Variants in HIVEP1 observed in about 807,000 individuals in gnomAD.
HIVEP1 encodes the protein zinc finger protein 40.
Under a neutral mutation model 180.0 loss-of-function variants are expected in HIVEP1, and 36 were observed. The ratio of observed to expected loss-of-function variants is 0.20; its 90% CI spans 0.15 to 0.26. The LOEUF (loss-of-function observed/expected upper bound fraction) is 0.26, where lower values mean the gene tolerates loss of function less well. HIVEP1 is among the 10% of genes least tolerant of loss of function. The probability of loss-of-function intolerance (pLI) is 1.00; values close to 1 mark genes in which losing one functional copy is unlikely to be tolerated. For synonymous variants in HIVEP1, 1,239 were observed against 1,239.0 expected (o/e 1.00, Z 0.00); for missense variants, 3,143 against 3,268.7 (o/e 0.96, Z 0.94).
At chr6:12,021,422 G>C (rs1045252766) in intron 2 of HIVEP1, among the ~76,000 whole-genome samples, 1 of 152,130 alleles carries the variant, frequency 6.6e-6, no homozygotes, top group Non-Finnish European at 1.5e-5. Flanking sequence ...CTGTATGGGA[G>C]ATGTCTCTGC....
At chr6:12,052,184 G>C (rs941044199) in intron 2 of HIVEP1, among the ~76,000 whole-genome samples, 1 of 152,172 alleles carries the variant, frequency 6.6e-6, no homozygotes, top group African/African-American at 2.4e-5. Flanking sequence ...CACGGCATAT[G>C]TATACAGGCA....
At chr6:12,154,836 G>C (rs1056989958) in intron 7 of HIVEP1, among the ~76,000 whole-genome samples, 1 of 152,018 alleles carries the variant, frequency 6.6e-6, no homozygotes, top group Non-Finnish European at 1.5e-5. Context: ...TTTAAAAATT[G>C]TGTGTTTATC....
intron 7 of HIVEP1, among the ~76,000 whole-genome samples, chr6:12,142,343 C>T (rs1042702907): frequency 6.6e-6 from 1 of 151,980 alleles, no homozygotes; most frequent in Admixed American, 6.6e-5. Context: ...CAGTGAGAAC[C>T]AAGACACAAC....
the HIVEP1 span, among the ~76,000 whole-genome samples, chr6:12,177,743 A>AATTC: frequency 6.6e-6 from 1 of 152,178 alleles, no homozygotes; most frequent in South Asian, 2.1e-4. Context: ...AATAAGCTAG[A>AATTC]TAAGTGATAG....
At chr6:12,104,454 G>C (rs1774314396) in intron 3 of HIVEP1, among the ~76,000 whole-genome samples, 1 of 54,530 alleles carries the variant, frequency 1.8e-5, no homozygotes, top group Non-Finnish European at 3.9e-5. Context: ...TTTTTTCTGA[G>C]ACAGGGTCTT....
chr6:12,112,919 CG>C (rs944769395), intron 3 of HIVEP1, among the ~76,000 whole-genome samples: 2 of 152,076 alleles, frequency 1.3e-5, no homozygotes, highest in Admixed American at 6.6e-5. Context: ...GTTCTTCTCC[CG>C]GCTGCAGGGT....
chr6:12,206,416 T>C, the HIVEP1 span, among the ~76,000 whole-genome samples: 2,683 of 152,210 alleles, frequency 0.018, 95 homozygotes, highest in African/African-American at 0.061. Context: ...ATTACAGGCG[T>C]GAGCTACAAC....
chr6:12,162,646 T>C (rs1760480390), intron 8 of HIVEP1, among the ~76,000 whole-genome samples: 1 of 152,222 alleles, frequency 6.6e-6, no homozygotes, highest in Non-Finnish European at 1.5e-5. Context: ...ATGTATTGAA[T>C]ATTGCAATAG....
the HIVEP1 span, among the ~76,000 whole-genome samples, chr6:12,183,653 C>T: frequency 6.6e-6 from 1 of 152,088 alleles, no homozygotes; most frequent in East Asian, 1.9e-4. Context: ...AAGATAAGAT[C>T]ATTTAATTAT....
Position 12,164,094 on chromosome 6 carries a change from C to T in HIVEP1, c.7790C>T (p.Thr2597Ile). 1 of 1,614,190 alleles carries T rather than the reference C, an allele frequency of 6.2e-7. No homozygotes were observed. The highest frequency in any genetic ancestry group is 8.5e-7 in the Non-Finnish European group (1 of 1,180,044). The change falls in exon 9 of 9, where the codon ACC becomes ATC. Residue 2597 changes from threonine (T) to isoleucine (I), a missense_variant. Coordinates refer to ENST00000379388, the MANE Select transcript of HIVEP1 (RefSeq NM_002114.4). ...SVASANQVSR[T>I]ESPQGLPTVQ... ...GCCAGCGCAAACCAGGTCAGCAGGA[C>T]CGAGTCTCCTCAGGGGTTACCTACA...
rs536783767 is a variant in HIVEP1 at position 12,160,562 on chromosome 6, AC to A, written c.6488-876del. On this transcript the variant is annotated intron_variant, in intron 7 of 8. Transcript: ENST00000379388. ...ACAGCTGCCCAGATGACTCACCCAA[AC>A]TGCTTGCTTGGCCTTTGTTACAGGC... Among the ~76,000 whole-genome samples the A allele has an allele frequency of 5.8e-4, 88 of 152,236 alleles. No individual in the cohort carries two copies. In the South Asian group the frequency reaches 0.018, roughly 31 times the overall value.
At chr6:12,029,320 C>T (rs141016494) in intron 2 of HIVEP1, among the ~76,000 whole-genome samples, 1 of 152,286 alleles carries the variant, frequency 6.6e-6, no homozygotes, top group East Asian at 1.9e-4. Context: ...TTCTTTGAAC[C>T]TCTGCCACTG....
intron 7 of HIVEP1, among the ~76,000 whole-genome samples, chr6:12,148,180 G>A (rs1344042840): frequency 1.3e-5 from 2 of 152,208 alleles, no homozygotes; most frequent in Admixed American, 6.5e-5. Flanking sequence ...AATGTTTCTG[G>A]TGCTACAGTT....
chr6:12,059,679 T>A (rs1386871686), intron 2 of HIVEP1, among the ~76,000 whole-genome samples: 1 of 152,124 alleles, frequency 6.6e-6, no homozygotes, highest in Admixed American at 6.5e-5. Flanking sequence ...TTTTCTGCTG[T>A]GGACTGAAAC....
intron 7 of HIVEP1, among the ~76,000 whole-genome samples, chr6:12,156,713 T>C (rs1317160923): frequency 7.2e-5 from 11 of 152,242 alleles, no homozygotes; most frequent in Non-Finnish European, 1.3e-4. Context: ...AAACACACTC[T>C]GTATGGTTTC....
At chr6:12,053,273 A>G (rs899958094) in intron 2 of HIVEP1, among the ~76,000 whole-genome samples, 3 of 152,086 alleles carry the variant, frequency 2.0e-5, no homozygotes, top group Non-Finnish European at 4.4e-5. Flanking sequence ...TGTGGCATAT[A>G]TAGCCAAATT....
At chr6:12,039,858 A>G (rs62395281) in intron 2 of HIVEP1, among the ~76,000 whole-genome samples, 60 of 152,258 alleles carry the variant, frequency 3.9e-4, no homozygotes, top group Admixed American at 7.2e-4. Context: ...TGGATCTTGG[A>G]TGCTGCCTCC....
At chr6:12,033,652 A>G (rs970064086) in intron 2 of HIVEP1, among the ~76,000 whole-genome samples, 5 of 152,188 alleles carry the variant, frequency 3.3e-5, no homozygotes, top group Non-Finnish European at 7.3e-5. Context: ...CCCTCTTAAT[A>G]ATACTATATT....
the HIVEP1 span, among the ~76,000 whole-genome samples, chr6:12,179,202 G>A: frequency 6.6e-6 from 1 of 152,140 alleles, no homozygotes; most frequent in African/African-American, 2.4e-5. Flanking sequence ...GAATAATACA[G>A]TTGTTTTCTA....
Sources: gnomAD v4.1 joint callset for allele counts (sites outside exome capture counted in the v4.1 genomes callset) on GRCh38, gnomAD v4.1.1 for gene constraint, MANE v1.5 for transcripts, NCBI Gene and HGNC (gene_info 2026-07-23, HGNC 2026-07-21) for gene names.